Variants in MYO3A observed in about 807,000 individuals in gnomAD.
MYO3A encodes the protein myosin IIIA, also known as myosin-IIIa.
Under a neutral mutation model 192.7 loss-of-function variants are expected in MYO3A, and 180 were observed. The observed-to-expected ratio is 0.93, with a 90% CI of 0.83 to 1.06. The LOEUF (loss-of-function observed/expected upper bound fraction) is 1.06. MYO3A is among the 50% of genes least tolerant of loss of function. The probability of loss-of-function intolerance (pLI) is 0.00; values close to 1 mark genes in which losing one functional copy is unlikely to be tolerated. For missense variants in MYO3A, 1,896 were observed against 1,905.0 expected, an observed-to-expected ratio of 1.00 and a Z score of 0.09; for synonymous variants, 628 against 645.3, an observed-to-expected ratio of 0.97 and a Z score of 0.41.
chr10:26,062,831 A>T (rs4998837), intron 10 of MYO3A, among the ~76,000 whole-genome samples: 71,705 of 151,786 alleles, frequency 0.47, 17,766 homozygotes, highest in Middle Eastern at 0.59. Context: ...TGGAAAAGAA[A>T]GGTGGCACTT....
chr10:26,197,161 C>T (rs1024043311), intron 32 of MYO3A, among the ~76,000 whole-genome samples: 1 of 152,162 alleles, frequency 6.6e-6, no homozygotes, highest in Non-Finnish European at 1.5e-5. Flanking sequence ...GACACGAGCT[C>T]AGTCTCAAAT....
intron 4 of MYO3A, among the ~76,000 whole-genome samples, chr10:25,973,240 G>A (rs2130744172): frequency 6.6e-6 from 1 of 152,078 alleles, no homozygotes; most frequent in East Asian, 1.9e-4. Context: ...TCTCTTTGTA[G>A]CAATCGTGAA....
chr10:26,121,842 G>T (rs1838878676), intron 18 of MYO3A, among the ~76,000 whole-genome samples: 1 of 152,146 alleles, frequency 6.6e-6, no homozygotes, highest in African/African-American at 2.4e-5. Context: ...GAGTGAGATG[G>T]TGTAGTTTTA....
chr10:26,007,121 A>T (rs1243101537), intron 6 of MYO3A, among the ~76,000 whole-genome samples: 2 of 148,598 alleles, frequency 1.3e-5, no homozygotes, highest in East Asian at 3.8e-4. Flanking sequence ...ACAGAACCGA[A>T]GACAAAAACC....
intron 6 of MYO3A, 37 bp from the exon 7 acceptor site, chr10:26,016,783 A>G: frequency 3.1e-6 from 5 of 1,591,226 alleles, no homozygotes; most frequent in Non-Finnish European, 4.3e-6. Flanking sequence ...TATATGAGTA[A>G]TTAATGCAAA....
chr10:25,954,060 C>G (rs1347516769), intron 3 of MYO3A, among the ~76,000 whole-genome samples: 5 of 152,064 alleles, frequency 3.3e-5, no homozygotes, highest in African/African-American at 1.2e-4. Flanking sequence ...GGCTCGGAGT[C>G]TATATCTGGA....
At chr10:26,161,984 T>C (rs1267684570) in intron 26 of MYO3A, among the ~76,000 whole-genome samples, 1 of 152,172 alleles carries the variant, frequency 6.6e-6, no homozygotes, top group Non-Finnish European at 1.5e-5. Context: ...AATTGAAAGA[T>C]TCAAAGTCCA....
At chr10:26,083,072 G>T (rs1836071820) in intron 14 of MYO3A, among the ~76,000 whole-genome samples, 1 of 152,074 alleles carries the variant, frequency 6.6e-6, no homozygotes, top group Non-Finnish European at 1.5e-5. Flanking sequence ...ATGAAGTCAA[G>T]AACTTTCATC....
In MYO3A at chr10:26,129,259, A is replaced by T. The variant is rs141561105; in HGVS notation, c.2262+721A>T. ...TAGGCTTCTTAAGAGTTTATTTTGG[A>T]ATTACATTTTGAAAACAGTGGTCAC... On this transcript the variant is annotated intron_variant, in intron 20 of 34. Coordinates refer to ENST00000642920, the MANE Select transcript of MYO3A (RefSeq NM_017433.5). 8.2e-3 allele frequency among the ~76,000 whole-genome samples: 1,246 copies of T among 152,316 alleles called. 15 individuals carry two copies. Among genetic ancestry groups the T allele is most frequent in the African/African-American group, 0.027 (1,129 of 41,570 alleles).
chr10:26,206,316 C>T (rs966097755), intron 34 of MYO3A, among the ~76,000 whole-genome samples: 3 of 152,048 alleles, frequency 2.0e-5, no homozygotes, highest in Admixed American at 2.0e-4. Context: ...CCGCCTCGGC[C>T]TCCCACAGTG....
intron 34 of MYO3A, among the ~76,000 whole-genome samples, chr10:26,207,589 A>T (rs2132236346): frequency 6.6e-6 from 1 of 152,282 alleles, no homozygotes; most frequent in Non-Finnish European, 1.5e-5. Context: ...AAATGACTGT[A>T]AATGTTGGAT....
chr10:25,996,704 G>C, intron 5 of MYO3A, 110 bp downstream of exon 5: 1 of 874,018 alleles, frequency 1.1e-6, no homozygotes, highest in East Asian at 2.7e-5. Flanking sequence ...AGTATTTATT[G>C]ATGGAAGAAT....
At chr10:26,112,048 G>A (rs946145353) in intron 17 of MYO3A, among the ~76,000 whole-genome samples, 12 of 152,020 alleles carry the variant, frequency 7.9e-5, no homozygotes, top group Non-Finnish European at 1.5e-5. Context: ...GCTTATATTT[G>A]GCTCAACTAC....
Position 26,110,684 on chromosome 10 carries a change from A to G in MYO3A, c.1777-9992A>G, listed in dbSNP as rs567483050. Among the ~76,000 whole-genome samples, 4 of 152,272 alleles carry G rather than the reference A, an allele frequency of 2.6e-5. No individual in the cohort carries two copies. The East Asian group carries it at 7.7e-4, about 29-fold the overall frequency. On this transcript the variant is annotated intron_variant, in intron 17 of 34. Coordinates refer to ENST00000642920, the MANE Select transcript of MYO3A (RefSeq NM_017433.5). ...AGAACTTATCATGGATACCTCGTGT[A>G]AAGGATAGAGTGTGCATACCCTTGT...
At position 26,021,509 on chromosome 10, in the gene MYO3A, G is replaced by C; in HGVS notation, c.592G>C (p.Ala198Pro). 1 of 1,614,018 alleles carries C rather than the reference G, an allele frequency of 6.2e-7. No individual in the cohort carries two copies. Among genetic ancestry groups the C allele is most frequent in the Non-Finnish European group, 8.5e-7 (1 of 1,179,890 alleles). Residue 198 changes from alanine (A) to proline (P), a missense_variant, in exon 8 of 35, where the codon GCA (alanine) becomes CCA (proline). Ala to Pro is a conservative substitution (Grantham distance 27). Coordinates refer to ENST00000642920, the MANE Select transcript of MYO3A (RefSeq NM_017433.5). ...TPFWMAPEVIACEQQLDTTYD... is the reference protein window; with the variant it reads ...TPFWMAPEVIPCEQQLDTTYD... ...TGGTGTGGTTTTCTACTAGGTGATT[G>C]CATGTGAACAGCAATTGGATACCAC...
chr10:26,024,193 A>G (rs1842440706), intron 9 of MYO3A, 106 bp downstream of exon 9: 1 of 1,106,986 alleles, frequency 9.0e-7, no homozygotes, highest in African/African-American at 1.6e-5. Flanking sequence ...GATTTCTATT[A>G]TTTTCTTCAA....
At chr10:26,145,012 C>A (rs1371935664) in intron 21 of MYO3A, among the ~76,000 whole-genome samples, 4 of 152,006 alleles carry the variant, frequency 2.6e-5, no homozygotes, top group Non-Finnish European at 4.4e-5. Context: ...CCTGTCTCTA[C>A]TTTAAAAATA....
intron 4 of MYO3A, among the ~76,000 whole-genome samples, chr10:25,973,738 C>G (rs1026113370): frequency 6.6e-6 from 1 of 152,082 alleles, no homozygotes; most frequent in African/African-American, 2.4e-5. Context: ...GGTACCAAAA[C>G]AGACATATAG....
intron 17 of MYO3A, among the ~76,000 whole-genome samples, chr10:26,112,944 G>T (rs558924889): frequency 6.6e-6 from 1 of 152,022 alleles, no homozygotes; most frequent in Non-Finnish European, 1.5e-5. Flanking sequence ...GGGAATTTTC[G>T]GGGGGTTTTT....
Sources: gnomAD v4.1 joint callset for allele counts (sites outside exome capture counted in the v4.1 genomes callset) on GRCh38, gnomAD v4.1.1 for gene constraint, MANE v1.5 for transcripts, NCBI Gene and HGNC (gene_info 2026-07-23, HGNC 2026-07-21) for gene names.